PRKN: variants seen among roughly 807,000 people sequenced by gnomAD.
PRKN encodes the protein E3 ubiquitin-protein ligase parkin.
In PRKN, 56 loss-of-function variants were observed where a neutral mutation model predicts 59.5. That is an observed-to-expected ratio of 0.94 (90% CI 0.76 to 1.18). PRKN has a LOEUF of 1.18. PRKN is among the 50% of genes most tolerant of loss of function. The probability of loss-of-function intolerance (pLI) is 0.00; values close to 1 mark genes in which losing one functional copy is unlikely to be tolerated. For missense variants in PRKN, 657 were observed against 596.4 expected (o/e 1.10, Z -1.06); for synonymous variants, 250 against 222.1 (o/e 1.13, Z -1.12).
intron 9 of PRKN, among the ~76,000 whole-genome samples, chr6:161,422,773 A>G (rs1400380084): frequency 6.6e-6 from 1 of 152,168 alleles, no homozygotes; most frequent in East Asian, 1.9e-4. Flanking sequence ...GAAAAAGGAA[A>G]AAATGCCCCA....
intron 2 of PRKN, among the ~76,000 whole-genome samples, chr6:162,331,487 T>G (rs754990723): frequency 6.6e-6 from 1 of 152,234 alleles, no homozygotes; most frequent in Non-Finnish European, 1.5e-5. Flanking sequence ...TTTCTTCTGC[T>G]CTATGAAAAC....
chr6:162,141,414 AT>A (rs553170462), intron 4 of PRKN, among the ~76,000 whole-genome samples: 15 of 152,322 alleles, frequency 9.8e-5, no homozygotes, highest in African/African-American at 3.4e-4. Context: ...CAAGTTAAAT[AT>A]ATTTGGAATA....
intron 3 of PRKN, among the ~76,000 whole-genome samples, chr6:162,224,713 T>A (rs1778091001): frequency 2.0e-5 from 3 of 152,110 alleles, no homozygotes; most frequent in South Asian, 2.1e-4. Flanking sequence ...TGCTGCTGCA[T>A]CCTCTTTCTG....
chr6:162,490,113 G>C (rs1792735491), intron 1 of PRKN, among the ~76,000 whole-genome samples: 1 of 152,090 alleles, frequency 6.6e-6, no homozygotes, highest in Non-Finnish European at 1.5e-5. Flanking sequence ...GAAGCGATGT[G>C]ACAGGTTTTC....
At chr6:162,071,824 T>A (rs1337750819) in intron 4 of PRKN, among the ~76,000 whole-genome samples, 1 of 152,066 alleles carries the variant, frequency 6.6e-6, no homozygotes, top group African/African-American at 2.4e-5. Flanking sequence ...CTCGAACTCC[T>A]GACTTCAAGT....
Position 161,415,670 on chromosome 6 carries a change from G to C in PRKN, c.1084-28793C>G, listed in dbSNP as rs1485871889. 3.6e-5 allele frequency among the ~76,000 whole-genome samples: 5 copies of C among 138,320 alleles called. No homozygotes were observed. In the East Asian group the frequency reaches 1.1e-3, roughly 31 times the overall value. The allele number at this position is 138,320 out of a possible 152,430, so 90.7% of individuals were successfully genotyped here. On this transcript the variant is annotated intron_variant, in intron 9 of 11. Transcript: ENST00000366898. ...ACAGCCACCTCCTGCCCTGGTTGCT[G>C]CAATAGTCTAATCTCTCCTGGAGTC...
At chr6:162,092,198 A>G (rs972951765) in intron 4 of PRKN, among the ~76,000 whole-genome samples, 3 of 151,852 alleles carry the variant, frequency 2.0e-5, no homozygotes, top group Non-Finnish European at 4.4e-5. Context: ...TACTAAAAAT[A>G]CCAAAAATTA....
chr6:162,294,744 AAAG>A (rs1221445194), intron 2 of PRKN, among the ~76,000 whole-genome samples: 1 of 152,190 alleles, frequency 6.6e-6, no homozygotes, highest in Non-Finnish European at 1.5e-5. Context: ...GAGTAAAAAA[AAAG>A]AGAAATACAA....
chr6:162,333,697 T>C (rs1783700321), intron 2 of PRKN, among the ~76,000 whole-genome samples: 3 of 152,142 alleles, frequency 2.0e-5, no homozygotes, highest in Non-Finnish European at 4.4e-5. Flanking sequence ...ATTAGACCAA[T>C]TAATAATGCT....
chr6:161,906,582 C>A (rs2128236133), intron 6 of PRKN, among the ~76,000 whole-genome samples: 1 of 151,160 alleles, frequency 6.6e-6, no homozygotes, highest in South Asian at 2.1e-4. Context: ...ATTTTTACAA[C>A]CTTCTAGGGA....
At chr6:161,749,165 C>T (rs1201624077) in intron 7 of PRKN, among the ~76,000 whole-genome samples, 3 of 152,172 alleles carry the variant, frequency 2.0e-5, no homozygotes, top group African/African-American at 7.2e-5. Flanking sequence ...GGGTCTACCC[C>T]AGTTAGCAAT....
rs950119088 is a variant in PRKN at position 161,569,270 on chromosome 6, C to T, written c.933+85G>A. 6.8e-5 allele frequency: 82 copies of T among 1,202,554 alleles called. No individual in the cohort carries two copies. The Admixed American group carries it at 1.3e-3, about 19-fold the overall frequency. 74.5% of individuals were successfully genotyped at this position (1,202,554 alleles called of 1,614,324 possible). On this transcript the variant is annotated intron_variant, in intron 8 of 11. Transcript: ENST00000366898. ...AGGGCACCCAGGGTCAGGAGACATACTCGGCCTCCCTGGGGAGCCCAAACT... is the reference window on the plus strand; with the variant it reads ...AGGGCACCCAGGGTCAGGAGACATATTCGGCCTCCCTGGGGAGCCCAAACT...
intron 1 of PRKN, among the ~76,000 whole-genome samples, chr6:162,658,797 C>T (rs760229226): frequency 1.3e-5 from 2 of 151,348 alleles, no homozygotes; most frequent in African/African-American, 2.4e-5. Context: ...ACTTACAATG[C>T]CAATATCATA....
chr6:161,943,327 T>A (rs1779634967), intron 6 of PRKN, among the ~76,000 whole-genome samples: 1 of 152,252 alleles, frequency 6.6e-6, no homozygotes, highest in Non-Finnish European at 1.5e-5. Context: ...TCAAATGCTA[T>A]CAATACACTC....
At chr6:162,661,880 T>C (rs1010863221) in intron 1 of PRKN, among the ~76,000 whole-genome samples, 4 of 152,202 alleles carry the variant, frequency 2.6e-5, no homozygotes, top group South Asian at 2.1e-4. Flanking sequence ...TACATGCGTA[T>C]ACTGTGTGGC....
At chr6:162,606,537 A>C (rs994719022) in intron 1 of PRKN, among the ~76,000 whole-genome samples, 1 of 152,206 alleles carries the variant, frequency 6.6e-6, no homozygotes, top group African/African-American at 2.4e-5. Context: ...CCATTGTAAA[A>C]GCCAGGGACT....
chr6:161,383,219 C>G (rs926121893), intron 10 of PRKN, among the ~76,000 whole-genome samples: 1 of 152,158 alleles, frequency 6.6e-6, no homozygotes, highest in African/African-American at 2.4e-5. Context: ...GAAAATAAGC[C>G]AGCTCTATGA....
At chr6:161,808,437 A>G (rs890749200) in intron 6 of PRKN, among the ~76,000 whole-genome samples, 2 of 152,204 alleles carry the variant, frequency 1.3e-5, no homozygotes, top group Admixed American at 1.3e-4. Flanking sequence ...AGACCATCAT[A>G]TCTGCAAATT....
At chr6:162,606,502 G>C (rs897343162) in intron 1 of PRKN, among the ~76,000 whole-genome samples, 1 of 152,158 alleles carries the variant, frequency 6.6e-6, no homozygotes, top group Non-Finnish European at 1.5e-5. Context: ...ACACCATTGA[G>C]AGGTCATAAA....
Sources: allele counts gnomAD v4.1 joint callset (sites outside exome capture counted in the v4.1 genomes callset), GRCh38; gene constraint gnomAD v4.1.1; transcripts MANE v1.5; gene names NCBI Gene and HGNC (gene_info 2026-07-23, HGNC 2026-07-21).